The following SHISA9 variants were observed in gnomAD, a reference collection of about 807,000 sequenced individuals.
The protein encoded by SHISA9 is shisa family member 9, also known as protein shisa-9.
In SHISA9, 13 loss-of-function variants were observed where a neutral mutation model predicts 38.0. The observed-to-expected ratio is 0.34, with a 90% CI of 0.22 to 0.54. SHISA9 has a LOEUF of 0.54. Ranked by LOEUF, SHISA9 falls within the 20% of genes least tolerant of loss-of-function variation. The pLI is 0.91. For missense variants in SHISA9, 538 were observed against 575.8 expected (o/e 0.93, Z 0.67); for synonymous variants, 275 against 242.0 (o/e 1.14, Z -1.27).
the SHISA9 span, among the ~76,000 whole-genome samples, chr16:13,512,192 C>T: frequency 2.7e-3 from 411 of 152,132 alleles, 3 homozygotes; most frequent in African/African-American, 9.5e-3. Flanking sequence ...TATCCAACAC[C>T]CAACAAGCTA....
At chr16:13,320,383 C>G in the SHISA9 span, among the ~76,000 whole-genome samples, 2 of 148,372 alleles carry the variant, frequency 1.3e-5, no homozygotes, top group Admixed American at 1.4e-4. Context: ...TCAGGTTTCT[C>G]TCTTTGTAGG....
At chr16:13,429,557 G>C in the SHISA9 span, among the ~76,000 whole-genome samples, 12 of 152,088 alleles carry the variant, frequency 7.9e-5, no homozygotes, top group African/African-American at 2.7e-4. Context: ...TTGGATTACA[G>C]GCCCTCCCTA....
chr16:13,250,103 G>T, the SHISA9 span, among the ~76,000 whole-genome samples: 1 of 152,096 alleles, frequency 6.6e-6, no homozygotes, highest in Non-Finnish European at 1.5e-5. Context: ...ATATTAACTG[G>T]AGGATATCTA....
At chr16:13,328,631 CACACAT>C in the SHISA9 span, among the ~76,000 whole-genome samples, 1,984 of 96,324 alleles carry the variant, frequency 0.021, 35 homozygotes, top group African/African-American at 0.07. Flanking sequence ...CACACACACA[CACACAT>C]ATATATTGTA....
chr16:13,007,347 C>G (rs903265074), intron 2 of SHISA9, among the ~76,000 whole-genome samples: 4 of 152,154 alleles, frequency 2.6e-5, no homozygotes, highest in Non-Finnish European at 5.9e-5. Flanking sequence ...CTTTTCCAAC[C>G]TCCCACCCCC....
intron 2 of SHISA9, among the ~76,000 whole-genome samples, chr16:13,143,598 G>T (rs1220820544): frequency 6.6e-6 from 1 of 152,130 alleles, no homozygotes; most frequent in African/African-American, 2.4e-5. Context: ...ATGCTGCAGG[G>T]ACTGATTCCC....
the SHISA9 span, among the ~76,000 whole-genome samples, chr16:13,329,070 T>C: frequency 3.9e-5 from 6 of 152,066 alleles, no homozygotes; most frequent in Non-Finnish European, 8.8e-5. Context: ...TTCTTTTTGC[T>C]AAACCTCATG....
chr16:13,179,446 A>G (rs185635979), intron 2 of SHISA9, among the ~76,000 whole-genome samples: 5 of 152,374 alleles, frequency 3.3e-5, no homozygotes, highest in African/African-American at 7.2e-5. Context: ...GATAGATACT[A>G]TGATTACCAC....
At position 13,203,532 on chromosome 16, in the gene SHISA9, C is replaced by A. The variant is rs768309792; in HGVS notation, c.830C>A (p.Ala277Asp). The change falls in exon 3 of 5, where the codon GCC becomes GAC. Residue 277 changes from alanine (A) to aspartate (D), a missense_variant. Ala to Asp is a moderately radical substitution (Grantham distance 126, BLOSUM62 -2). Coordinates refer to ENST00000558583, the MANE Select transcript of SHISA9 (RefSeq NM_001145204.3). ...QPPGKELNKY[A>D]SLKAVGSSDG... is the part of the protein sequence containing the mutation. ...CCAGGAAAAGAGCTCAACAAGTACGCCTCCTTAAAGGCAGTCGGTAAGTGC... is the reference window on the plus strand; with the variant it reads ...CCAGGAAAAGAGCTCAACAAGTACGACTCCTTAAAGGCAGTCGGTAAGTGC... 24 of 1,540,220 alleles carry A rather than the reference C, an allele frequency of 1.6e-5. No homozygotes were observed. Among genetic ancestry groups the A allele is most frequent in the African/African-American group, 2.8e-5 (2 of 72,654 alleles).
intron 2 of SHISA9, among the ~76,000 whole-genome samples, chr16:13,181,312 TACAC>T (rs1217237745): frequency 0.05 from 1,644 of 32,872 alleles, 53 homozygotes; most frequent in Middle Eastern, 0.086. Context: ...TATATATATA[TACAC>T]ACACACACAC....
intron 4 of SHISA9, among the ~76,000 whole-genome samples, chr16:13,217,577 A>C (rs2051182743): frequency 6.6e-6 from 1 of 152,180 alleles, no homozygotes; most frequent in African/African-American, 2.4e-5. Context: ...CAATAGAGGA[A>C]ATCAGAGAAT....
At chr16:13,404,020 G>A in the SHISA9 span, among the ~76,000 whole-genome samples, 1 of 152,270 alleles carries the variant, frequency 6.6e-6, no homozygotes, top group African/African-American at 2.4e-5. Context: ...TAACCAAAAG[G>A]CACGTCTTGT....
the SHISA9 span, among the ~76,000 whole-genome samples, chr16:13,416,803 AGGAAGGAAG>A: frequency 6.0e-5 from 9 of 149,460 alleles, no homozygotes; most frequent in Non-Finnish European, 1.2e-4. Context: ...GAAGGAAGGA[AGGAAGGAAG>A]GGAAGGAATG....
intron 4 of SHISA9, among the ~76,000 whole-genome samples, chr16:13,216,299 C>T (rs999740397): frequency 6.6e-6 from 1 of 152,070 alleles, no homozygotes; most frequent in African/African-American, 2.4e-5. Context: ...TGTCTTCAAC[C>T]TCTCTGATCC....
chr16:12,959,968 A>G (rs945043564), intron 2 of SHISA9, among the ~76,000 whole-genome samples: 7 of 152,238 alleles, frequency 4.6e-5, no homozygotes, highest in Admixed American at 4.6e-4. Flanking sequence ...TTAAAGTGCA[A>G]AGGTTTCCTT....
intron 2 of SHISA9, among the ~76,000 whole-genome samples, chr16:13,172,411 G>C (rs1266292379): frequency 6.6e-6 from 1 of 152,230 alleles, no homozygotes; most frequent in East Asian, 1.9e-4. Context: ...GTAACTGGCT[G>C]GTTGTTCATC....
At chr16:12,924,951 A>G in intron 2 of SHISA9, among the ~76,000 whole-genome samples, 1 of 152,332 alleles carries the variant, frequency 6.6e-6, no homozygotes, top group East Asian at 1.9e-4. Flanking sequence ...TGTTGTGAGG[A>G]TTAATTAACA....
At chr16:13,425,254 G>A in the SHISA9 span, among the ~76,000 whole-genome samples, 9 of 152,128 alleles carry the variant, frequency 5.9e-5, no homozygotes, top group Non-Finnish European at 1.3e-4. Flanking sequence ...AACACTTTGG[G>A]AGGCCAAGGT....
the SHISA9 span, among the ~76,000 whole-genome samples, chr16:13,282,712 A>G: frequency 8.5e-5 from 13 of 152,168 alleles, no homozygotes; most frequent in African/African-American, 2.6e-4. Context: ...TTTAGGTTGC[A>G]TAACTTTCAA....
Sources: allele counts gnomAD v4.1 joint callset (sites outside exome capture counted in the v4.1 genomes callset), GRCh38; gene constraint gnomAD v4.1.1; transcripts MANE v1.5; gene names NCBI Gene and HGNC (gene_info 2026-07-23, HGNC 2026-07-21).